The following SLC6A2 variants were observed in gnomAD, a reference collection of about 807,000 sequenced individuals.
SLC6A2 encodes the protein solute carrier family 6 member 2, also known as sodium-dependent noradrenaline transporter.
SLC6A2 carries 26 observed loss-of-function variants against 71.7 expected under a neutral mutation model. The ratio of observed to expected loss-of-function variants is 0.36; its 90% CI spans 0.27 to 0.50. SLC6A2 has a LOEUF of 0.50. SLC6A2 is among the 20% of genes least tolerant of loss of function. SLC6A2 has a pLI of 0.96. For missense variants in SLC6A2, 581 were observed against 803.9 expected (o/e 0.72, Z 3.35); for synonymous variants, 363 against 337.9 (o/e 1.07, Z -0.82).
intron 2 of SLC6A2, 62 bp downstream of exon 2, chr16:55,657,030 G>A: frequency 6.3e-7 from 1 of 1,576,720 alleles, no homozygotes; most frequent in Non-Finnish European, 8.7e-7. Context: ...AGCGGTGGCT[G>A]GGACAGGAGC....
chr16:55,703,274 TC>T lies in SLC6A2; in HGVS notation c.*930del. ...CCTCATGTGTGTCTTCACCGTGCTG[TC>T]CTCACAAGGCCAGGTGGGTGCCCAA... On this transcript the variant is annotated 3_prime_UTR_variant, in exon 15 of 15. Coordinates refer to ENST00000568943, the MANE Select transcript of SLC6A2 (RefSeq NM_001172501.3). The T allele has an allele frequency of 1.0e-6, 1 of 985,450 alleles. No homozygotes were observed. Among genetic ancestry groups the T allele is most frequent in the Non-Finnish European group, 1.2e-6 (1 of 829,934 alleles). 61.0% of individuals were successfully genotyped at this position (985,450 alleles called of 1,614,324 possible).
At chr16:55,681,126 G>A (rs1483092668) in intron 4 of SLC6A2, among the ~76,000 whole-genome samples, 1 of 152,140 alleles carries the variant, frequency 6.6e-6, no homozygotes, top group Non-Finnish European at 1.5e-5. Flanking sequence ...TGACTCTCTT[G>A]CTGACACCTG....
intron 2 of SLC6A2, among the ~76,000 whole-genome samples, chr16:55,657,958 G>A (rs1964505478): frequency 6.6e-6 from 1 of 152,218 alleles, no homozygotes; most frequent in African/African-American, 2.4e-5. Context: ...CCTGCAAAGA[G>A]TGTGGGAAAA....
At chr16:55,687,076 A>G in intron 5 of SLC6A2, among the ~76,000 whole-genome samples, 1 of 73,740 alleles carries the variant, frequency 1.4e-5, no homozygotes, top group South Asian at 4.9e-4. Context: ...CAGGTTATGG[A>G]TCAACCAATG....
chr16:55,697,991 G>A lies in SLC6A2; in HGVS notation c.1355G>A (p.Ser452Asn). 5 of 1,614,166 alleles carry A rather than the reference G, an allele frequency of 3.1e-6. No individual in the cohort carries two copies. In the Admixed American group the frequency reaches 5.0e-5, roughly 16 times the overall value. The change falls in exon 10 of 15, where the codon AGC becomes AAC. Residue 452 changes from serine to asparagine, a missense_variant. Transcript: ENST00000568943. ...CTCTTCACATTTGGCGTCACCTTCA[G>A]CACTTTCCTTCTCGCCCTGTTCTGC... ...RKLFTFGVTF[S>N]TFLLALFCIT...
chr16:55,681,419 T>G (rs1202284215), intron 4 of SLC6A2, among the ~76,000 whole-genome samples: 4 of 152,182 alleles, frequency 2.6e-5, no homozygotes, highest in African/African-American at 4.8e-5. Flanking sequence ...GTTTGTGGAA[T>G]CGATGAAAGG....
In SLC6A2 at chr16:55,698,544, G is replaced by A. The variant is rs762006683; in HGVS notation, c.1465G>A (p.Ala489Thr). The A allele has an allele frequency of 2.5e-6, 4 of 1,613,678 alleles. No homozygotes were observed. Among genetic ancestry groups the A allele is most frequent in the Non-Finnish European group, 3.4e-6 (4 of 1,179,688 alleles). ...CATCCTTTTTGCTGTCCTCATGGAA[G>A]CCATCGGAGTTTCCTGGTTTTATGG... The part of the protein sequence containing the change: ...TSILFAVLME[A>T]IGVSWFYGVD... Residue 489 changes from alanine to threonine, a missense_variant, in exon 11 of 15, where the codon GCC becomes ACC. This residue lies in a region of SLC6A2 where 334 missense variants were observed against 449.0 expected (regional missense o/e 0.74). Transcript: ENST00000568943.
At chr16:55,662,538 A>T (rs1323219367) in intron 2 of SLC6A2, among the ~76,000 whole-genome samples, 1 of 152,170 alleles carries the variant, frequency 6.6e-6, no homozygotes, top group East Asian at 1.9e-4. Flanking sequence ...TTTGTGGGTC[A>T]TATTTCCCTC....
chr16:55,701,846 C>A lies in SLC6A2; in HGVS notation c.1759-17C>A, dbSNP rs766741602. 5.0e-6 allele frequency: 8 copies of A among 1,610,484 alleles called. No homozygotes were observed. In the Admixed American group the frequency reaches 1.2e-4, roughly 23 times the overall value. On this transcript the variant is annotated splice_polypyrimidine_tract_variant and intron_variant, in intron 13 of 14. Transcript: ENST00000568943. ...CCTGGGCCAAGCTGAGGCCTCCTCC[C>A]CTTCTCTTCCTTTCAGAGACTGGCC... is the stretch of plus-strand genomic sequence containing the variant.
chr16:55,677,736 T>C (rs1255457667), intron 4 of SLC6A2, among the ~76,000 whole-genome samples: 2 of 151,690 alleles, frequency 1.3e-5, no homozygotes, highest in African/African-American at 4.8e-5. Flanking sequence ...CTCGGCTCAA[T>C]GCAGCCTTGA....
chr16:55,693,061 G>T (rs1965685922), intron 6 of SLC6A2, among the ~76,000 whole-genome samples: 1 of 152,208 alleles, frequency 6.6e-6, no homozygotes, highest in Admixed American at 6.5e-5. Flanking sequence ...ATCAGATCAT[G>T]CTGCCCTCTG....
rs1964447644 is a variant in SLC6A2 at position 55,656,377 on chromosome 16, G to A, written c.-52+208G>A. 1 of 464,040 alleles carries A rather than the reference G, an allele frequency of 2.2e-6. No individual in the cohort carries two copies. Among genetic ancestry groups the A allele is most frequent in the African/African-American group, 2.0e-5 (1 of 50,530 alleles). The allele number at this position is 464,040 out of a possible 1,614,324, so 28.7% of individuals were successfully genotyped here. A position where few individuals can be genotyped will look rare whatever the true frequency, so the allele number is the denominator to read the frequency against. On this transcript the variant is annotated intron_variant, in intron 1 of 14. Transcript: ENST00000568943. This position sits in a 1 kb window ranked among gnomAD's most constrained non-coding sequence, Gnocchi z 4.5. ...GGTGAGTTCAATCCCAGCCATTTGG[G>A]GCAGGCGAGAGTGGGTGAACGAGGA...
chr16:55,661,211 G>A (rs546052001), intron 2 of SLC6A2, among the ~76,000 whole-genome samples: 7 of 152,322 alleles, frequency 4.6e-5, no homozygotes, highest in African/African-American at 1.7e-4. Flanking sequence ...CCAGGGAAGT[G>A]GCCACTGTGA....
At position 55,685,182 on chromosome 16, in the gene SLC6A2, T is replaced by G; in HGVS notation, c.684T>G (p.His228Gln). The change falls in exon 5 of 15, where the codon CAT becomes CAG. Residue 228 changes from histidine (H) to glutamine (Q), a missense_variant. Around this residue, in one of 5 missense-constraint regions of SLC6A2, gnomAD observed 87 missense variants for 99.5 expected, o/e 0.87. Coordinates refer to ENST00000568943, the MANE Select transcript of SLC6A2 (RefSeq NM_001172501.3). ...VLHLHESSGI[H>Q]DIGLPQWQLL... ...ACCTTCACGAGAGCAGCGGGATTCATGACATCGGCCTGCCCCAGTGGCAGC... is the reference window on the plus strand; with the variant it reads ...ACCTTCACGAGAGCAGCGGGATTCAGGACATCGGCCTGCCCCAGTGGCAGC... The G allele has an allele frequency of 2.5e-6, 4 of 1,614,206 alleles. No individual in the cohort carries two copies. Among genetic ancestry groups the G allele is most frequent in the Non-Finnish European group, 3.4e-6 (4 of 1,180,022 alleles).
Position 55,685,152 on chromosome 16 carries a change from C to A in SLC6A2, c.654C>A (p.Val218=). 1.9e-6 allele frequency: 3 copies of A among 1,614,168 alleles called. No individual in the cohort carries two copies. Among genetic ancestry groups the A allele is most frequent in the Non-Finnish European group, 2.5e-6 (3 of 1,180,032 alleles). ...TPAAEFYERG[V]LHLHESSGIH... The stretch of plus-strand genomic sequence containing the variant: ...CCTCTCCTCTGGGCAGGCGTGGTGT[C>A]CTGCACCTTCACGAGAGCAGCGGGA... Residue 218 remains valine (V), a synonymous_variant, in exon 5 of 15, where the codon GTC becomes GTA. Coordinates refer to ENST00000568943, the MANE Select transcript of SLC6A2 (RefSeq NM_001172501.3).
Position 55,691,950 on chromosome 16 carries a change from C to T in SLC6A2, c.816C>T (p.Phe272=), listed in dbSNP as rs866977194. 5 of 1,614,074 alleles carry T rather than the reference C, an allele frequency of 3.1e-6. No individual in the cohort carries two copies. The highest frequency in any genetic ancestry group is 2.2e-5 in the East Asian group (1 of 44,866). Residue 272 remains phenylalanine (F), a synonymous_variant, in exon 6 of 15, where the codon TTC becomes TTT. Coordinates refer to ENST00000568943, the MANE Select transcript of SLC6A2 (RefSeq NM_001172501.3). The part of the protein sequence containing the change: ...VVWITATLPY[F]VLFVLLVHGV... The stretch of plus-strand genomic sequence containing the variant: ...GGATCACAGCCACGCTGCCTTACTT[C>T]GTGCTGTTCGTGCTCCTGGTCCATG...
intron 2 of SLC6A2, among the ~76,000 whole-genome samples, chr16:55,666,061 C>A (rs1466685746): frequency 6.6e-6 from 1 of 152,218 alleles, no homozygotes; most frequent in Middle Eastern, 3.2e-3. Context: ...TTTGGAGACT[C>A]CCAGGCACTG....
At position 55,704,658 on chromosome 16, in the gene SLC6A2, A is replaced by T. The variant is rs1597023478; in HGVS notation, c.*2312A>T. ...TTGAAATGAGAGCAAACAGTCAGCA[A>T]AGCCTTTTGCATTAGAGCAGGGTCG... On this transcript the variant is annotated 3_prime_UTR_variant, in exon 15 of 15. Transcript: ENST00000568943. 6.6e-6 allele frequency: 1 copy of T among 152,296 alleles called. No homozygotes were observed. The highest frequency in any genetic ancestry group is 2.4e-5 in the African/African-American group (1 of 41,472). The allele number at this position is 152,296 out of a possible 1,614,324, so 9.4% of individuals were successfully genotyped here.
chr16:55,694,270 C>T (rs1965726810), intron 7 of SLC6A2, among the ~76,000 whole-genome samples, 157 bp downstream of exon 7: 2 of 152,112 alleles, frequency 1.3e-5, no homozygotes, highest in South Asian at 4.2e-4. Flanking sequence ...TGCGACATGG[C>T]CTCTGAGGGT....
Sources: allele counts gnomAD v4.1 joint callset (sites outside exome capture counted in the v4.1 genomes callset), GRCh38; gene constraint gnomAD v4.1.1; regional missense constraint gnomAD v4.1.1; non-coding constraint Gnocchi (gnomAD v3.1); transcripts MANE v1.5; gene names NCBI Gene and HGNC (gene_info 2026-07-23, HGNC 2026-07-21).